The following ABCA3 variants were observed in gnomAD, a reference collection of about 807,000 sequenced individuals.
ABCA3 encodes the protein phospholipid-transporting ATPase ABCA3.
ABCA3 carries 88 observed loss-of-function variants against 172.8 expected under a neutral mutation model. The ratio of observed to expected loss-of-function variants is 0.51; its 90% CI spans 0.43 to 0.61. ABCA3 has a LOEUF of 0.61. Ranked by LOEUF, ABCA3 falls within the 20% of genes least tolerant of loss-of-function variation. The pLI, the probability that ABCA3 is intolerant of heterozygous loss-of-function variation, is 0.00. For synonymous variants in ABCA3, 1,066 were observed against 983.8 expected, an observed-to-expected ratio of 1.08 and a Z score of -1.56; for missense variants, 2,164 against 2,301.0, an observed-to-expected ratio of 0.94 and a Z score of 1.22.
chr16:2,283,425 C>T lies in ABCA3; in HGVS notation c.3863-67G>A, dbSNP rs1205669900. The T allele has an allele frequency of 5.8e-6, 9 of 1,558,290 alleles. No individual in the cohort carries two copies. Among genetic ancestry groups the T allele is most frequent in the East Asian group, 4.5e-5 (2 of 44,226 alleles). The stretch of plus-strand genomic sequence containing the variant: ...CCCTCCTCCCCTTCCAGGTTCCCGG[C>T]CCCCACTCCCCTCCCCAGGCTGCTC... On this transcript the variant is annotated intron_variant, in intron 25 of 32. Transcript: ENST00000301732. This position sits in a 1 kb window ranked among gnomAD's most constrained non-coding sequence, Gnocchi z 5.4.
Position 2,288,081 on chromosome 16 carries a change from T to G in ABCA3, c.2949A>C (p.Ser983=), listed in dbSNP as rs1653298791. 2 of 1,613,334 alleles carry G rather than the reference T, an allele frequency of 1.2e-6. No individual in the cohort carries two copies. Among genetic ancestry groups the G allele is most frequent in the Non-Finnish European group, 1.7e-6 (2 of 1,180,012 alleles). The change falls in exon 21 of 33, where the codon TCA becomes TCC. Residue 983 remains serine (S), a synonymous_variant. Transcript: ENST00000301732. ...PGTSQLGQQL[S]EHLKDALQAE... ...CCTGCAGTGCGTCTTTCAGATGCTC[T>G]GACAGCTGCTGACCCAGCTGGGAGG...
chr16:2,301,123 C>G (rs557526260), intron 12 of ABCA3, among the ~76,000 whole-genome samples: 1 of 150,872 alleles, frequency 6.6e-6, no homozygotes, highest in African/African-American at 2.5e-5. Flanking sequence ...CCCAGCTACT[C>G]GGGAGGCTGA....
chr16:2,319,251 C>A (rs1207990256), intron 8 of ABCA3, among the ~76,000 whole-genome samples: 1 of 152,130 alleles, frequency 6.6e-6, no homozygotes, highest in Non-Finnish European at 1.5e-5. Context: ...TTCTGGAGGC[C>A]GAGGCGGGCG....
At chr16:2,311,158 G>A (rs887204133) in intron 10 of ABCA3, among the ~76,000 whole-genome samples, 4 of 151,976 alleles carry the variant, frequency 2.6e-5, no homozygotes, top group African/African-American at 9.7e-5. Context: ...ATTTTTAGTA[G>A]AGACGGGGTT....
chr16:2,304,863 G>C (rs1213387754), intron 11 of ABCA3, among the ~76,000 whole-genome samples: 1 of 152,048 alleles, frequency 6.6e-6, no homozygotes, highest in Non-Finnish European at 1.5e-5. Context: ...TTTTAGTAGA[G>C]ACGGGGTTTC....
intron 7 of ABCA3, among the ~76,000 whole-genome samples, chr16:2,320,396 C>A (rs1248917923): frequency 6.8e-6 from 1 of 147,392 alleles, no homozygotes; most frequent in Admixed American, 6.9e-5. Flanking sequence ...CTGCACCCGG[C>A]CTTTTTTTTT....
rs375176021 is a variant in ABCA3, at chr16:2,283,368, G to A, written c.3863-10C>T. 18 of 1,611,660 alleles carry A rather than the reference G, an allele frequency of 1.1e-5. No homozygotes were observed. The highest frequency in any genetic ancestry group is 3.3e-5 in the Admixed American group (2 of 59,994). On this transcript the variant is annotated splice_polypyrimidine_tract_variant and intron_variant, in intron 25 of 32. Transcript: ENST00000301732. The surrounding 1 kb of genome is among the most constrained non-coding windows in gnomAD (Gnocchi z 5.4). ...TCCTGGTACTGGATGTCTGTGGGGC[G>A]AGGGAGTCACTGTGCCCCGAGGCCT...
At chr16:2,326,742 C>T (rs574807946) in intron 3 of ABCA3, among the ~76,000 whole-genome samples, 27 of 152,284 alleles carry the variant, frequency 1.8e-4, no homozygotes, top group African/African-American at 6.0e-4. Context: ...AATCTCAACA[C>T]TTTGGGAGGC....
At chr16:2,309,292 T>C (rs1229922835) in intron 10 of ABCA3, among the ~76,000 whole-genome samples, 1 of 152,178 alleles carries the variant, frequency 6.6e-6, no homozygotes, top group Non-Finnish European at 1.5e-5. Context: ...CTCTCATTTG[T>C]TCATTCATGC....
chr16:2,320,390 A>G (rs932177104), intron 7 of ABCA3, among the ~76,000 whole-genome samples: 5 of 141,376 alleles, frequency 3.5e-5, no homozygotes, highest in African/African-American at 1.3e-4. Context: ...GAGCCACTGC[A>G]CCCGGCCTTT....
At chr16:2,332,433 C>A in intron 1 of ABCA3, 1 of 1,193,230 alleles carries the variant, frequency 8.4e-7, no homozygotes, top group Non-Finnish European at 1.2e-6. Context: ...TGTCTTTGAT[C>A]TCCTTCTTGG....
intron 10 of ABCA3, among the ~76,000 whole-genome samples, chr16:2,311,240 G>A (rs1398832660): frequency 6.6e-6 from 1 of 152,084 alleles, no homozygotes; most frequent in Non-Finnish European, 1.5e-5. Flanking sequence ...CCAAAGTGCT[G>A]GAATTACAGG....
At position 2,319,814 on chromosome 16, in the gene ABCA3, C is replaced by G. The variant is rs147690211; in HGVS notation, c.640G>C (p.Val214Leu). 7.2e-5 allele frequency: 116 copies of G among 1,613,842 alleles called. No individual in the cohort carries two copies. Among genetic ancestry groups the G allele is most frequent in the Non-Finnish European group, 9.8e-5 (116 of 1,180,038 alleles). Residue 214 changes from valine to leucine, a missense_variant, in exon 8 of 33, where the codon GTG becomes CTG. Transcript: ENST00000301732. ...PGYIREGFLA[V>L]QHAVDRAIME... ...ATGGCCCGGTCCACAGCATGCTGCA[C>G]GGCCAGGAAGCCTTCCCGGATGTAC...
chr16:2,311,411 C>A (rs2093706506), intron 10 of ABCA3, among the ~76,000 whole-genome samples: 1 of 152,222 alleles, frequency 6.6e-6, no homozygotes, highest in African/African-American at 2.4e-5. Flanking sequence ...CTATACCATG[C>A]AAGCGCCACT....
chr16:2,303,387 G>C (rs556658157), intron 12 of ABCA3, among the ~76,000 whole-genome samples: 1 of 150,168 alleles, frequency 6.7e-6, no homozygotes, highest in Non-Finnish European at 1.5e-5. Context: ...TCAGCCTCCC[G>C]AGTAGCTGGG....
At position 2,286,212 on chromosome 16, in the gene ABCA3, G is replaced by A. The variant is rs2093662898; in HGVS notation, c.3278+482C>T. Among the ~76,000 whole-genome samples the A allele has an allele frequency of 6.6e-6, 1 of 152,244 alleles. No individual in the cohort carries two copies. On this transcript the variant is annotated intron_variant, in intron 22 of 32. Transcript: ENST00000301732. This position sits in a 1 kb window ranked among gnomAD's most constrained non-coding sequence, Gnocchi z 5.2. Reference sequence around the variant, plus strand: ...TTTGGCCTCCTCTGGGTGGTTCCAGGAGCTCTGGGGGCTCTGTGGCCGGCA... The same window carrying A: ...TTTGGCCTCCTCTGGGTGGTTCCAGAAGCTCTGGGGGCTCTGTGGCCGGCA...
Position 2,300,086 on chromosome 16 carries a change from G to C in ABCA3, c.1530C>G (p.Pro510=), listed in dbSNP as rs767578159. 2.5e-6 allele frequency: 4 copies of C among 1,613,390 alleles called. No individual in the cohort carries two copies. The highest frequency in any genetic ancestry group is 2.2e-5 in the East Asian group (1 of 44,884). ...AGTACTCGTTTCTGAGTGCTTTCTC[G>C]GGGTCACTGTCTTCTTCCTCCTTCC... ...VAGKEEEDSD[P]EKALRNEYFE... Residue 510 remains proline, a synonymous_variant, in exon 13 of 33, where the codon CCC becomes CCG. Coordinates refer to ENST00000301732, the MANE Select transcript of ABCA3 (RefSeq NM_001089.3).
At chr16:2,295,246 C>T (rs748973484) in intron 18 of ABCA3, among the ~76,000 whole-genome samples, 8 of 152,206 alleles carry the variant, frequency 5.3e-5, no homozygotes, top group African/African-American at 1.2e-4. Context: ...AATACAGACT[C>T]GGTTTCACGA....
chr16:2,317,350 G>A lies in ABCA3; in HGVS notation c.1044C>T (p.Ala348=), dbSNP rs1330613155. 3 of 1,613,984 alleles carry A rather than the reference G, an allele frequency of 1.9e-6. No individual in the cohort carries two copies. In the East Asian group the frequency reaches 6.7e-5, roughly 36 times the overall value. Residue 348 remains alanine (A), a synonymous_variant, in exon 10 of 33, where the codon GCC becomes GCT. Coordinates refer to ENST00000301732, the MANE Select transcript of ABCA3 (RefSeq NM_001089.3). ...TAGAGATGGCGAAGCACAGCAGGAA[G>A]GCGAGCACCAGGGAGGGGTCGCTGC... ...LSRSDPSLVL[A]FLLCFAISTI...
Sources: gnomAD v4.1 joint callset for allele counts (sites outside exome capture counted in the v4.1 genomes callset) on GRCh38, gnomAD v4.1.1 for gene constraint, Gnocchi (gnomAD v3.1) non-coding constraint, MANE v1.5 for transcripts, NCBI Gene and HGNC (gene_info 2026-07-23, HGNC 2026-07-21) for gene names.